The following SGMS1 variants were observed in gnomAD, a reference collection of about 807,000 sequenced individuals.
SGMS1 encodes sphingomyelin synthase 1, also known as phosphatidylcholine:ceramide cholinephosphotransferase 1.
In SGMS1, 13 loss-of-function variants were observed where a neutral mutation model predicts 46.2. The ratio of observed to expected loss-of-function variants is 0.28; its 90% CI spans 0.18 to 0.45. The LOEUF is 0.45. SGMS1 is among the 20% of genes least tolerant of loss of function. The pLI is 1.00. For missense variants in SGMS1, 324 were observed against 519.9 expected (o/e 0.62, Z 3.66); for synonymous variants, 203 against 187.8 (o/e 1.08, Z -0.66).
At chr10:50,383,018 A>C (rs755148660) in intron 6 of SGMS1, among the ~76,000 whole-genome samples, 1 of 152,222 alleles carries the variant, frequency 6.6e-6, no homozygotes, top group East Asian at 1.9e-4. Context: ...TAAACTCTAC[A>C]ATAGAGTCTT....
intron 1 of SGMS1, among the ~76,000 whole-genome samples, chr10:50,591,375 C>T (rs1838539394): frequency 6.6e-6 from 1 of 152,146 alleles, no homozygotes; most frequent in African/African-American, 2.4e-5. Flanking sequence ...TTCCTTAAAA[C>T]CAACCCCACA....
intron 3 of SGMS1, among the ~76,000 whole-genome samples, chr10:50,470,800 A>G (rs1837371545): frequency 6.6e-6 from 1 of 152,138 alleles, no homozygotes; most frequent in Admixed American, 6.5e-5. Context: ...GCTGAGATGT[A>G]AGAGAAAACA....
intron 3 of SGMS1, among the ~76,000 whole-genome samples, chr10:50,495,048 A>AT (rs1364897676): frequency 3.0e-4 from 38 of 127,810 alleles, no homozygotes; most frequent in African/African-American, 9.8e-4. Flanking sequence ...AAAAAAAAAT[A>AT]AAATAAAAAA....
At chr10:50,513,004 T>C (rs1438654200) in intron 3 of SGMS1, among the ~76,000 whole-genome samples, 1 of 152,210 alleles carries the variant, frequency 6.6e-6, no homozygotes, top group Non-Finnish European at 1.5e-5. Flanking sequence ...AGTAGGGACA[T>C]CCTTCCACAA....
intron 6 of SGMS1, among the ~76,000 whole-genome samples, chr10:50,355,884 C>T (rs1365282579): frequency 2.6e-5 from 4 of 152,014 alleles, no homozygotes; most frequent in African/African-American, 7.2e-5. Context: ...TGCCCAGCCG[C>T]GACCCCGTCT....
chr10:50,442,271 G>A (rs1849556044), intron 5 of SGMS1, among the ~76,000 whole-genome samples: 1 of 151,332 alleles, frequency 6.6e-6, no homozygotes, highest in South Asian at 2.1e-4. Context: ...TTGTTGCATA[G>A]ATTATTTCGT....
intron 6 of SGMS1, chr10:50,418,402 G>T (rs75121103): frequency 6.6e-6 from 1 of 152,394 alleles, no homozygotes; most frequent in Non-Finnish European, 1.5e-5. Context: ...CTCCAAGAGC[G>T]GGGTTGGCGG....
chr10:50,465,702 G>A (rs757734839), intron 4 of SGMS1, among the ~76,000 whole-genome samples: 5 of 151,994 alleles, frequency 3.3e-5, no homozygotes, highest in Non-Finnish European at 5.9e-5. Flanking sequence ...GAATGGGGGG[G>A]AAATTATCAA....
chr10:50,336,113 C>A (rs1847712781), intron 7 of SGMS1: 1 of 151,984 alleles, frequency 6.6e-6, no homozygotes, highest in South Asian at 2.1e-4. Flanking sequence ...TCCTTCCCCA[C>A]TCCAAAAAAA....
chr10:50,456,941 T>A (rs1226788827), intron 5 of SGMS1, among the ~76,000 whole-genome samples: 12 of 152,250 alleles, frequency 7.9e-5, no homozygotes, highest in African/African-American at 2.2e-4. Flanking sequence ...CAAGTCAGGT[T>A]CATTGCATGA....
intron 1 of SGMS1, among the ~76,000 whole-genome samples, chr10:50,607,459 T>C (rs1233457104): frequency 4.6e-5 from 7 of 152,210 alleles, no homozygotes; most frequent in Non-Finnish European, 1.0e-4. Flanking sequence ...GATTCTTCTG[T>C]CATTCTTCTC....
chr10:50,612,846 T>C (rs764718556), intron 1 of SGMS1, among the ~76,000 whole-genome samples: 2 of 152,174 alleles, frequency 1.3e-5, no homozygotes, highest in African/African-American at 2.4e-5. Flanking sequence ...GTAGCTAGGA[T>C]TACAGGCGTG....
At chr10:50,505,825 C>T (rs537384064) in intron 3 of SGMS1, among the ~76,000 whole-genome samples, 32 of 152,178 alleles carry the variant, frequency 2.1e-4, no homozygotes, top group African/African-American at 7.5e-4. Context: ...AGCAGAGGCC[C>T]GAGGAATGGG....
At chr10:50,345,395 C>T (rs780710272) in intron 6 of SGMS1, among the ~76,000 whole-genome samples, 38 of 152,094 alleles carry the variant, frequency 2.5e-4, no homozygotes, top group Non-Finnish European at 4.4e-4. Context: ...AAATGGCAGT[C>T]TGCATAGAAG....
chr10:50,475,512 A>G (rs1837412786), intron 3 of SGMS1, among the ~76,000 whole-genome samples: 1 of 152,202 alleles, frequency 6.6e-6, no homozygotes, highest in South Asian at 2.1e-4. Context: ...GTTCACAATA[A>G]ATGGTAAATA....
chr10:50,584,189 T>C (rs188566868), intron 2 of SGMS1, among the ~76,000 whole-genome samples: 98 of 152,274 alleles, frequency 6.4e-4, no homozygotes, highest in African/African-American at 2.0e-3. Flanking sequence ...TGAATGGCTA[T>C]AGATCATTTC....
In SGMS1 at chr10:50,592,111, C is replaced by A. The variant is rs551078369; in HGVS notation, c.-683-1864G>T. ...TGGGATCCACAAAGGGGAGATGGTG[C>A]GACTCACTGCCTCACAACCCAGAAC... On this transcript the variant is annotated intron_variant, in intron 1 of 10. Coordinates refer to ENST00000361781, the MANE Select transcript of SGMS1 (RefSeq NM_147156.4). Among the ~76,000 whole-genome samples, 4 of 152,168 alleles carry A rather than the reference C, an allele frequency of 2.6e-5. No individual in the cohort carries two copies. In the East Asian group the frequency reaches 7.7e-4, roughly 29 times the overall value.
intron 6 of SGMS1, among the ~76,000 whole-genome samples, chr10:50,376,765 T>C (rs144681672): frequency 0.015 from 2,280 of 152,294 alleles, 60 homozygotes; most frequent in African/African-American, 0.052. Flanking sequence ...CATGAACTCA[T>C]CTTTTCTTGT....
chr10:50,510,981 G>C (rs1450354632), intron 3 of SGMS1, among the ~76,000 whole-genome samples: 1 of 152,120 alleles, frequency 6.6e-6, no homozygotes, highest in African/African-American at 2.4e-5. Flanking sequence ...ATCATCTGCT[G>C]GAAGCACTTT....
Sources: allele counts gnomAD v4.1 joint callset (sites outside exome capture counted in the v4.1 genomes callset), GRCh38; gene constraint gnomAD v4.1.1; transcripts MANE v1.5; gene names NCBI Gene and HGNC (gene_info 2026-07-23, HGNC 2026-07-21).